The following NR5A1 variants were observed in gnomAD, a reference collection of about 807,000 sequenced individuals.
NR5A1 encodes nuclear receptor subfamily 5 group A member 1.
A neutral mutation model predicts 42.7 loss-of-function variants in NR5A1; 6 were observed. That is an observed-to-expected ratio of 0.14 (90% CI 0.08 to 0.28). The LOEUF (loss-of-function observed/expected upper bound fraction) is 0.28, where lower values mean the gene tolerates loss of function less well. NR5A1 is among the 10% of genes least tolerant of loss of function. The pLI is 1.00. For synonymous variants in NR5A1, 274 were observed against 277.5 expected, an observed-to-expected ratio of 0.99 and a Z score of 0.12; for missense variants, 442 against 626.4, an observed-to-expected ratio of 0.71 and a Z score of 3.14.
In NR5A1 at chr9:124,500,438, G is replaced by A. The variant is rs1225293958; in HGVS notation, c.522C>T (p.Pro174=). The stretch of plus-strand genomic sequence containing the variant: ...AGCCAGCCAGTGGCCCGTGGGCACC[G>A]GGCACGGCCATGGGCAGTGCTGGGG... The part of the protein sequence containing the change: ...FGAPALPMAV[P]GAHGPLAGYL... Residue 174 remains proline (P), a synonymous_variant, in exon 4 of 7, where the codon CCC becomes CCT. Coordinates refer to ENST00000373588, the MANE Select transcript of NR5A1 (RefSeq NM_004959.5). This position sits in a 1 kb window ranked among gnomAD's most constrained non-coding sequence, Gnocchi z 6.9. 12 of 1,577,894 alleles carry A rather than the reference G, an allele frequency of 7.6e-6. No individual in the cohort carries two copies. The highest frequency in any genetic ancestry group is 5.5e-5 in the Admixed American group (3 of 54,610).
chr9:124,494,245 C>T (rs534872092), intron 4 of NR5A1, among the ~76,000 whole-genome samples: 9 of 152,272 alleles, frequency 5.9e-5, no homozygotes, highest in East Asian at 1.9e-4. Flanking sequence ...TGCAGCCCTA[C>T]AGCCCTGCGA....
Position 124,503,312 on chromosome 9 carries a change from G to A in NR5A1, c.84C>T (p.Leu28=). 6.2e-7 allele frequency: 1 copy of A among 1,611,676 alleles called. No homozygotes were observed. The highest frequency in any genetic ancestry group is 8.5e-7 in the Non-Finnish European group (1 of 1,179,442). The change falls in exon 2 of 7, where the codon CTC becomes CTT. Residue 28 remains leucine, a synonymous_variant. Transcript: ENST00000373588. This position sits in a 1 kb window ranked among gnomAD's most constrained non-coding sequence, Gnocchi z 9.6. Reference sequence around the variant, plus strand: ...CGCTCACCTTGCAGCTCTCACACGTGAGCAGTCCGTAGTGGTAGCCGGACA... The same window carrying A: ...CGCTCACCTTGCAGCTCTCACACGTAAGCAGTCCGTAGTGGTAGCCGGACA... ...DKVSGYHYGL[L]TCESCKGFFK... is the part of the protein sequence containing the mutation.
Position 124,491,015 on chromosome 9 carries a change from T to TCTGCCCCC in NR5A1, c.1138+65_1138+66insGGGGGCAG. 4 of 634,816 alleles carry TCTGCCCCC rather than the reference T, an allele frequency of 6.3e-6. 1 individual carries two copies. Among genetic ancestry groups the TCTGCCCCC allele is most frequent in the Non-Finnish European group, 1.1e-5 (4 of 363,624 alleles). 39.3% of individuals were successfully genotyped at this position (634,816 alleles called of 1,614,324 possible). A position where few individuals can be genotyped will look rare whatever the true frequency, so the allele number is the denominator to read the frequency against. On this transcript the variant is annotated intron_variant, in intron 6 of 6. Coordinates refer to ENST00000373588, the MANE Select transcript of NR5A1 (RefSeq NM_004959.5). ...CCACAGCAGGGCTACCTCTCCAGCC[T>TCTGCCCCC]CACCCACCCTCCCACCCACCCGCCT... is the stretch of plus-strand genomic sequence containing the variant.
intron 4 of NR5A1, among the ~76,000 whole-genome samples, chr9:124,499,614 A>G (rs3758204): frequency 0.083 from 12,681 of 152,198 alleles, 1,538 homozygotes; most frequent in African/African-American, 0.27. Flanking sequence ...GGAGGACAGG[A>G]TGGGCCGGAC....
intron 6 of NR5A1, among the ~76,000 whole-genome samples, chr9:124,489,278 G>A (rs1188704640): frequency 6.6e-6 from 1 of 152,172 alleles, no homozygotes; most frequent in African/African-American, 2.4e-5. Flanking sequence ...CAGTGGCCTT[G>A]TGATGGCAGC....
Position 124,503,274 on chromosome 9 carries a change from G to A in NR5A1, c.102+20C>T. On this transcript the variant is annotated intron_variant, in intron 2 of 6. Coordinates refer to ENST00000373588, the MANE Select transcript of NR5A1 (RefSeq NM_004959.5). This position sits in a 1 kb window ranked among gnomAD's most constrained non-coding sequence, Gnocchi z 9.6. The stretch of plus-strand genomic sequence containing the variant: ...CGCAGCGCCCGTCTGCCGCACCCCT[G>A]CCGCGCGCTCGCCGCTCACCTTGCA... 1 of 1,607,444 alleles carries A rather than the reference G, an allele frequency of 6.2e-7. No homozygotes were observed. Among genetic ancestry groups the A allele is most frequent in the South Asian group, 1.1e-5 (1 of 90,008 alleles).
At chr9:124,485,005 C>T (rs1385186705) in intron 6 of NR5A1, among the ~76,000 whole-genome samples, 2 of 152,090 alleles carry the variant, frequency 1.3e-5, no homozygotes, top group African/African-American at 4.8e-5. Flanking sequence ...GACGTGGATT[C>T]GAATCCCAGC....
At chr9:124,504,819 A>ACGGGGAGG (rs1474072393) in intron 1 of NR5A1, among the ~76,000 whole-genome samples, 1 of 146,030 alleles carries the variant, frequency 6.8e-6, no homozygotes, top group East Asian at 2.0e-4. Flanking sequence ...CGGGCCGGGG[A>ACGGGGAGG]CGGGGAGGCG....
Position 124,481,783 on chromosome 9 carries a change from G to A in NR5A1, c.*975C>T, listed in dbSNP as rs768392539. On this transcript the variant is annotated 3_prime_UTR_variant, in exon 7 of 7. Coordinates refer to ENST00000373588, the MANE Select transcript of NR5A1 (RefSeq NM_004959.5). Reference sequence around the variant, plus strand: ...GGGCAACAGCGCTTCTCTGGATTGGGGCTGGGGCTCAGAAGTAATGACCCA... The same window carrying A: ...GGGCAACAGCGCTTCTCTGGATTGGAGCTGGGGCTCAGAAGTAATGACCCA... The A allele has an allele frequency of 6.6e-6, 1 of 152,190 alleles. No homozygotes were observed. The highest frequency in any genetic ancestry group is 1.5e-5 in the Non-Finnish European group (1 of 68,070). 9.4% of individuals were successfully genotyped at this position (152,190 alleles called of 1,614,324 possible). A position where few individuals can be genotyped will look rare whatever the true frequency, so the allele number is the denominator to read the frequency against.
rs781669939 is a variant in NR5A1, at chr9:124,503,075, G to A, written c.244+4C>T. On this transcript the variant is annotated splice_donor_region_variant and intron_variant, in intron 3 of 6. Coordinates refer to ENST00000373588, the MANE Select transcript of NR5A1 (RefSeq NM_004959.5). The surrounding 1 kb of genome is among the most constrained non-coding windows in gnomAD (Gnocchi z 9.6). ...TCAGGGGTCGAGGCCCGCGCGGCGC[G>A]CACCTTCCAGGCGCATCCCCACCGT... The A allele has an allele frequency of 3.8e-6, 6 of 1,571,906 alleles. No homozygotes were observed. Among genetic ancestry groups the A allele is most frequent in the Non-Finnish European group, 5.2e-6 (6 of 1,162,374 alleles).
Position 124,500,805 on chromosome 9 carries a change from G to T in NR5A1, c.245-90C>A. Reference sequence around the variant, plus strand: ...AGATCCTTTCCAAACAAATCTGACCGCTCTCTCCCCTGCTCAACACCCTTT... The same window carrying T: ...AGATCCTTTCCAAACAAATCTGACCTCTCTCTCCCCTGCTCAACACCCTTT... On this transcript the variant is annotated intron_variant, in intron 3 of 6. Coordinates refer to ENST00000373588, the MANE Select transcript of NR5A1 (RefSeq NM_004959.5). The surrounding 1 kb of genome is among the most constrained non-coding windows in gnomAD (Gnocchi z 6.9). The T allele has an allele frequency of 6.3e-7, 1 of 1,589,246 alleles. No homozygotes were observed. The highest frequency in any genetic ancestry group is 1.1e-5 in the South Asian group (1 of 90,286).
At chr9:124,502,250 C>G (rs1204919948) in intron 3 of NR5A1, among the ~76,000 whole-genome samples, 1 of 152,238 alleles carries the variant, frequency 6.6e-6, no homozygotes, top group African/African-American at 2.4e-5. Context: ...CACACTCACT[C>G]ACTGGAGGAA....
At chr9:124,502,966 C>T (rs888311373) in intron 3 of NR5A1, 113 bp downstream of exon 3, 8 of 1,379,398 alleles carry the variant, frequency 5.8e-6, no homozygotes, top group African/African-American at 1.4e-5. Context: ...TAATGTCGCA[C>T]GAGGGGCCTT....
At chr9:124,497,310 C>A (rs1832403447) in intron 4 of NR5A1, among the ~76,000 whole-genome samples, 1 of 152,210 alleles carries the variant, frequency 6.6e-6, no homozygotes, top group Non-Finnish European at 1.5e-5. Context: ...AATCATACAG[C>A]ATGTAAGTGA....
At chr9:124,491,843 CCA>C (rs1043199012) in intron 5 of NR5A1, among the ~76,000 whole-genome samples, 5 of 151,936 alleles carry the variant, frequency 3.3e-5, no homozygotes, top group African/African-American at 1.2e-4. Flanking sequence ...ACAGTGACAC[CCA>C]CACACTGATG....
intron 4 of NR5A1, among the ~76,000 whole-genome samples, chr9:124,493,885 A>G (rs1458515044): frequency 6.6e-6 from 1 of 152,080 alleles, no homozygotes; most frequent in Non-Finnish European, 1.5e-5. Flanking sequence ...ACTCTGCAGG[A>G]CTCAGAAGCA....
rs972369073 is a variant in NR5A1 at position 124,500,907 on chromosome 9, T to A, written c.245-192A>T. 1 of 868,880 alleles carries A rather than the reference T, an allele frequency of 1.2e-6. No individual in the cohort carries two copies. Among genetic ancestry groups the A allele is most frequent in the African/African-American group, 1.7e-5 (1 of 59,978 alleles). The allele number at this position is 868,880 out of a possible 1,614,324, so 53.8% of individuals were successfully genotyped here. On this transcript the variant is annotated intron_variant, in intron 3 of 6. Coordinates refer to ENST00000373588, the MANE Select transcript of NR5A1 (RefSeq NM_004959.5). This position sits in a 1 kb window ranked among gnomAD's most constrained non-coding sequence, Gnocchi z 6.9. ...AGGCCCTGCTCAGCTTTTCAGGCAATCCCTGCTAAGACCCCTCTCCTTCCA... is the reference window on the plus strand; with the variant it reads ...AGGCCCTGCTCAGCTTTTCAGGCAAACCCTGCTAAGACCCCTCTCCTTCCA...
In NR5A1 at chr9:124,496,789, G is replaced by A. The variant is rs186629474; in HGVS notation, c.870+3301C>T. 1.3e-3 allele frequency among the ~76,000 whole-genome samples: 196 copies of A among 152,264 alleles called. No homozygotes were observed. The highest frequency in any genetic ancestry group is 4.5e-3 in the African/African-American group (185 of 41,540). On this transcript the variant is annotated intron_variant, in intron 4 of 6. Transcript: ENST00000373588. The surrounding 1 kb of genome is among the most constrained non-coding windows in gnomAD (Gnocchi z 5.0). ...TGGGGGCCTCGGAGCTGGATGTTGA[G>A]GGTGAACGGATGTCAAAATGGGTCA...
chr9:124,505,107 C>T (rs1832537185), intron 1 of NR5A1, among the ~76,000 whole-genome samples: 1 of 152,112 alleles, frequency 6.6e-6, no homozygotes, highest in East Asian at 1.9e-4. Flanking sequence ...CGCAGTCCAG[C>T]TCGAGTCTTC....
Sources: allele counts gnomAD v4.1 joint callset (sites outside exome capture counted in the v4.1 genomes callset), GRCh38; gene constraint gnomAD v4.1.1; non-coding constraint Gnocchi (gnomAD v3.1); transcripts MANE v1.5; gene names NCBI Gene and HGNC (gene_info 2026-07-23, HGNC 2026-07-21).